IDO2: variants seen among roughly 807,000 people sequenced by gnomAD.
IDO2 encodes indoleamine 2,3-dioxygenase-like 1 protein.
In IDO2, 46 loss-of-function variants were observed where a neutral mutation model predicts 45.1. The observed-to-expected ratio is 1.02, with a 90% confidence interval of 0.80 to 1.30. The LOEUF (loss-of-function observed/expected upper bound fraction) is 1.30. Among genes scored for constraint, IDO2 ranks in the 50% most tolerant of loss-of-function variants. The pLI is 0.00. For synonymous variants in IDO2, 218 were observed against 184.9 expected, an observed-to-expected ratio of 1.18 and a Z score of -1.45; for missense variants, 544 against 491.8, an observed-to-expected ratio of 1.11 and a Z score of -1.00.
intron 1 of IDO2, among the ~76,000 whole-genome samples, chr8:39,936,735 G>T (rs1003121330): frequency 1.3e-5 from 2 of 152,206 alleles, no homozygotes; most frequent in Non-Finnish European, 2.9e-5. Flanking sequence ...TAGCATCCAA[G>T]ATGGAGTTGC....
intron 8 of IDO2, among the ~76,000 whole-genome samples, chr8:40,001,341 C>CCT (rs1802134651): frequency 6.9e-6 from 1 of 145,682 alleles, no homozygotes; most frequent in East Asian, 2.0e-4. Context: ...CCTCCACTTC[C>CCT]TGGGTTCGAG....
chr8:39,992,563 C>A (rs1801954778), intron 8 of IDO2, among the ~76,000 whole-genome samples: 2 of 152,146 alleles, frequency 1.3e-5, no homozygotes, highest in South Asian at 4.1e-4. Context: ...GGTTTCTATG[C>A]AGCAATAGTA....
chr8:39,978,939 C>T (rs1808300634), intron 3 of IDO2, 128 bp from the exon 4 acceptor site: 1 of 844,786 alleles, frequency 1.2e-6, no homozygotes, highest in Non-Finnish European at 1.8e-6. Flanking sequence ...CTCTTTGTAC[C>T]TTCATTAAAA....
chr8:39,945,824 A>G (rs1563423939), intron 1 of IDO2, among the ~76,000 whole-genome samples: 1 of 152,212 alleles, frequency 6.6e-6, no homozygotes, highest in Non-Finnish European at 1.5e-5. Flanking sequence ...TATGACTGAG[A>G]CAGCGAAAGA....
At chr8:40,016,071 G>A in exon 11 of IDO2, 1 of 391,668 alleles carries the variant, frequency 2.6e-6, no homozygotes, top group African/African-American at 2.1e-5. Context: ...CTCCCTGAAT[G>A]TGTTGAGTTG....
At position 39,997,761 on chromosome 8, in the gene IDO2, C is replaced by T. The variant is rs750105499; in HGVS notation, c.668-7566C>T. ...GAAGTTACATTACAGCTACTTAATA[C>T]ACAAAGGGACACATTTTCACCAGTC... On this transcript the variant is annotated intron_variant, in intron 8 of 10. Transcript: ENST00000502986. The T allele has an allele frequency of 1.3e-3, 192 of 153,102 alleles. 1 individual carries two copies. Among genetic ancestry groups the T allele is most frequent in the Non-Finnish European group, 2.3e-3 (154 of 68,092 alleles). The allele number at this position is 153,102 out of a possible 1,614,324, so 9.5% of individuals were successfully genotyped here.
rs369917435 is a variant in IDO2, at chr8:39,935,024, G to A, written c.-212G>A. ...ACAATGAGATGAAAATGCACTGCCA[G>A]TTGAAACATCCTCCTACACTGGAGC... On this transcript the variant is annotated 5_prime_UTR_variant, in exon 1 of 11. Transcript: ENST00000502986. 6.3e-4 allele frequency: 458 copies of A among 725,660 alleles called. 8 individuals carry two copies. Among genetic ancestry groups the A allele is most frequent in the South Asian group, 5.9e-3 (382 of 65,172 alleles). 45.0% of individuals were successfully genotyped at this position (725,660 alleles called of 1,614,324 possible).
chr8:39,992,510 T>A (rs1053457445), intron 8 of IDO2, among the ~76,000 whole-genome samples: 1 of 152,162 alleles, frequency 6.6e-6, no homozygotes, highest in Non-Finnish European at 1.5e-5. Context: ...AGATTCCCCA[T>A]CAACAGAATA....
intron 2 of IDO2, among the ~76,000 whole-genome samples, chr8:39,952,333 C>A (rs1045352319): frequency 1.5e-4 from 23 of 152,160 alleles, no homozygotes; most frequent in African/African-American, 5.1e-4. Flanking sequence ...TGTCCAGTGG[C>A]CTCACAGAAG....
chr8:39,935,519 G>A (rs958203799), intron 1 of IDO2, among the ~76,000 whole-genome samples: 6 of 151,866 alleles, frequency 4.0e-5, no homozygotes, highest in Admixed American at 2.6e-4. Flanking sequence ...GCATGATCTC[G>A]GCTCACTGCA....
At chr8:39,958,037 C>G (rs561890096) in intron 2 of IDO2, among the ~76,000 whole-genome samples, 72 of 150,404 alleles carry the variant, frequency 4.8e-4, no homozygotes, top group Non-Finnish European at 9.0e-4. Flanking sequence ...TCCCGAGTAG[C>G]TGGGATTACA....
intron 2 of IDO2, among the ~76,000 whole-genome samples, chr8:39,955,734 A>G (rs1350592200): frequency 3.3e-5 from 5 of 152,236 alleles, no homozygotes; most frequent in Admixed American, 6.5e-5. Flanking sequence ...CACCCTCTTT[A>G]GAAGTAATTT....
intron 7 of IDO2, among the ~76,000 whole-genome samples, chr8:39,989,391 AT>A (rs78710520): frequency 0.065 from 9,830 of 152,234 alleles, 530 homozygotes; most frequent in East Asian, 0.34. Flanking sequence ...CGGAGCAAGG[AT>A]GCCCCAGTTG....
At chr8:39,967,425 A>G (rs1475872186) in intron 3 of IDO2, among the ~76,000 whole-genome samples, 2 of 152,348 alleles carry the variant, frequency 1.3e-5, no homozygotes, top group African/African-American at 2.4e-5. Flanking sequence ...AAAATGAAAA[A>G]TAGTTTATTT....
chr8:39,975,839 A>T (rs1340226714), intron 3 of IDO2, among the ~76,000 whole-genome samples: 2 of 152,186 alleles, frequency 1.3e-5, no homozygotes, highest in Admixed American at 6.6e-5. Flanking sequence ...AAAAACATAA[A>T]ATAACTGTGA....
chr8:39,974,583 G>T (rs1439979504), intron 3 of IDO2, among the ~76,000 whole-genome samples: 4 of 152,072 alleles, frequency 2.6e-5, no homozygotes, highest in Non-Finnish European at 5.9e-5. Context: ...AGGAGTTTGA[G>T]ATCATCCTGG....
In IDO2 at chr8:39,963,633, C is replaced by A. The variant is rs201524976; in HGVS notation, c.125C>A (p.Pro42His). The A allele has an allele frequency of 1.3e-4, 213 of 1,610,530 alleles. No homozygotes were observed. The African/African-American group carries it at 2.5e-3, about 19-fold the overall frequency. The change falls in exon 3 of 11, where the codon CCT (proline) becomes CAT (histidine). Residue 42 changes from proline to histidine, a missense_variant. By Grantham distance (77) the Pro-to-His change is moderately conservative. Transcript: ENST00000502986. ...AAAGAACTTCCAGATCATTATAGGC[C>A]TTGGATGGAAATTGCCAACAAACTT...
chr8:39,956,134 A>G (rs1344901404), intron 2 of IDO2, among the ~76,000 whole-genome samples: 1 of 147,748 alleles, frequency 6.8e-6, no homozygotes, highest in Non-Finnish European at 1.5e-5. Context: ...GTCTCAGCTC[A>G]CTGCAATCTC....
chr8:40,005,648 A>T (rs1316200168), intron 9 of IDO2, among the ~76,000 whole-genome samples: 1 of 152,202 alleles, frequency 6.6e-6, no homozygotes, highest in African/African-American at 2.4e-5. Flanking sequence ...ACAGAAGAAG[A>T]AAAACACAGT....
Sources: allele counts gnomAD v4.1 joint callset (sites outside exome capture counted in the v4.1 genomes callset), GRCh38; gene constraint gnomAD v4.1.1; transcripts MANE v1.5; gene names NCBI Gene and HGNC (gene_info 2026-07-23, HGNC 2026-07-21).